Variants in PTPRD observed in about 807,000 individuals in gnomAD.
PTPRD encodes the protein receptor-type tyrosine-protein phosphatase delta.
PTPRD carries 34 observed loss-of-function variants against 214.5 expected under a neutral mutation model. The ratio of observed to expected loss-of-function variants is 0.16; its 90% CI spans 0.12 to 0.21. The LOEUF (loss-of-function observed/expected upper bound fraction) is 0.21, where lower values mean the gene tolerates loss of function less well. PTPRD is among the 10% of genes least tolerant of loss of function. PTPRD has a pLI of 1.00. For synonymous variants in PTPRD, 1,128 were observed against 845.7 expected (o/e 1.33, Z -5.79); for missense variants, 2,545 against 2,398.7 (o/e 1.06, Z -1.27).
chr9:9,516,773 T>C (rs373940189), intron 8 of PTPRD, among the ~76,000 whole-genome samples: 1 of 152,010 alleles, frequency 6.6e-6, no homozygotes, highest in East Asian at 1.9e-4. Flanking sequence ...CTTGACCTCA[T>C]GATCTGCCCT....
At chr9:8,350,370 TA>T (rs896986812) in intron 39 of PTPRD, among the ~76,000 whole-genome samples, 1 of 152,100 alleles carries the variant, frequency 6.6e-6, no homozygotes, top group African/African-American at 2.4e-5. Flanking sequence ...AAATATGGAC[TA>T]AAAAAATCAT....
intron 3 of PTPRD, among the ~76,000 whole-genome samples, chr9:10,045,746 T>C (rs991680671): frequency 6.6e-6 from 1 of 151,752 alleles, no homozygotes; most frequent in African/African-American, 2.4e-5. Context: ...CTACCTCAGA[T>C]AACATATCTC....
chr9:10,137,774 A>G (rs960236012), intron 3 of PTPRD, among the ~76,000 whole-genome samples: 44 of 151,588 alleles, frequency 2.9e-4, no homozygotes, highest in African/African-American at 1.1e-3. Flanking sequence ...AAATTAAACC[A>G]CTTGCACCTG....
chr9:9,123,947 G>GA, intron 10 of PTPRD, among the ~76,000 whole-genome samples: 1 of 147,748 alleles, frequency 6.8e-6, no homozygotes, highest in South Asian at 2.1e-4. Flanking sequence ...GCACACCTCA[G>GA]AAAAAGTAAA....
chr9:8,696,359 C>T (rs2097910817), intron 12 of PTPRD, among the ~76,000 whole-genome samples: 1 of 152,178 alleles, frequency 6.6e-6, no homozygotes, highest in African/African-American at 2.4e-5. Flanking sequence ...ACTTAACTAT[C>T]AAATGTTTAT....
chr9:9,904,941 T>G (rs1601630443), intron 5 of PTPRD, among the ~76,000 whole-genome samples: 1 of 152,054 alleles, frequency 6.6e-6, no homozygotes, highest in Admixed American at 6.6e-5. Flanking sequence ...GTTATTCAGT[T>G]CATTAAAGAA....
chr9:9,671,569 TG>T (rs1305366021), intron 7 of PTPRD, among the ~76,000 whole-genome samples: 2 of 152,120 alleles, frequency 1.3e-5, no homozygotes, highest in Non-Finnish European at 2.9e-5. Flanking sequence ...CTTCTTGAAT[TG>T]TACTCCTATA....
intron 10 of PTPRD, among the ~76,000 whole-genome samples, chr9:9,076,921 C>A (rs1192451495): frequency 6.6e-6 from 1 of 151,680 alleles, no homozygotes; most frequent in Non-Finnish European, 1.5e-5. Flanking sequence ...TTCCTACCAA[C>A]AGTGTACAAG....
chr9:10,045,397 G>T (rs371396637), intron 3 of PTPRD, among the ~76,000 whole-genome samples: 1 of 151,504 alleles, frequency 6.6e-6, no homozygotes, highest in Non-Finnish European at 1.5e-5. Context: ...GTATAAAGTG[G>T]CTACCGTATT....
chr9:9,952,397 A>C (rs143664666), intron 4 of PTPRD, among the ~76,000 whole-genome samples: 13 of 152,294 alleles, frequency 8.5e-5, no homozygotes, highest in African/African-American at 2.9e-4. Context: ...TTTTGGCAAC[A>C]ACCGGGAAAT....
chr9:9,242,026 G>T (rs924113081), intron 9 of PTPRD, among the ~76,000 whole-genome samples: 2 of 152,026 alleles, frequency 1.3e-5, no homozygotes, highest in African/African-American at 4.8e-5. Context: ...AGGAGCTCTT[G>T]TAGGGCAGGC....
chr9:8,739,806 A>T (rs1025276546), intron 11 of PTPRD, among the ~76,000 whole-genome samples: 1 of 152,184 alleles, frequency 6.6e-6, no homozygotes, highest in Admixed American at 6.5e-5. Context: ...TTATAGGGGC[A>T]GGGCTTTCCT....
intron 2 of PTPRD, among the ~76,000 whole-genome samples, chr9:10,368,630 C>T (rs1339969807): frequency 6.6e-6 from 1 of 151,858 alleles, no homozygotes; most frequent in African/African-American, 2.4e-5. Context: ...AAATTTCTGT[C>T]CTTTTAAAGG....
chr9:8,338,783 A>AG (rs927795414), intron 43 of PTPRD, 139 bp downstream of exon 43: 45 of 758,472 alleles, frequency 5.9e-5, no homozygotes, highest in Middle Eastern at 3.8e-4. Context: ...AAACATAAAA[A>AG]AAAACGTTCT....
At chr9:9,954,319 AAAAAAG>A in intron 4 of PTPRD, among the ~76,000 whole-genome samples, 1 of 149,798 alleles carries the variant, frequency 6.7e-6, no homozygotes, top group Non-Finnish European at 1.5e-5. Flanking sequence ...AAAAAAAAAA[AAAAAAG>A]ATCATTGTCC....
At chr9:9,299,088 A>T (rs1385411781) in intron 9 of PTPRD, among the ~76,000 whole-genome samples, 3 of 151,782 alleles carry the variant, frequency 2.0e-5, no homozygotes, top group Non-Finnish European at 2.9e-5. Flanking sequence ...GATGAAGATT[A>T]TGGATGGTAA....
chr9:8,773,042 T>C (rs2095302726), intron 11 of PTPRD, among the ~76,000 whole-genome samples: 1 of 152,184 alleles, frequency 6.6e-6, no homozygotes. Flanking sequence ...TGAATTACTC[T>C]ATGAATGTAC....
chr9:10,060,932 CTTT>C (rs1421199453), intron 3 of PTPRD, among the ~76,000 whole-genome samples: 1 of 117,704 alleles, frequency 8.5e-6, no homozygotes, highest in East Asian at 2.2e-4. Context: ...TTCTTTCTTT[CTTT>C]CTTTCTTTCT....
intron 4 of PTPRD, among the ~76,000 whole-genome samples, chr9:10,023,080 A>G (rs1339566199): frequency 1.3e-5 from 2 of 152,198 alleles, no homozygotes; most frequent in Non-Finnish European, 2.9e-5. Context: ...TATACTACAA[A>G]TTCTCAAATG....
Sources: gnomAD v4.1 joint callset for allele counts (sites outside exome capture counted in the v4.1 genomes callset) on GRCh38, gnomAD v4.1.1 for gene constraint, MANE v1.5 for transcripts, NCBI Gene and HGNC (gene_info 2026-07-23, HGNC 2026-07-21) for gene names.